AFF1: variants seen among roughly 807,000 people sequenced by gnomAD.
The protein encoded by AFF1 is ALF transcription elongation factor 1.
A neutral mutation model predicts 121.7 loss-of-function variants in AFF1; 48 were observed. The ratio of observed to expected loss-of-function variants is 0.39; its 90% CI spans 0.31 to 0.50. AFF1 has a LOEUF of 0.50. Ranked by LOEUF, AFF1 falls within the 20% of genes least tolerant of loss-of-function variation. The probability of loss-of-function intolerance (pLI) is 0.76; values close to 1 mark genes in which losing one functional copy is unlikely to be tolerated. For missense variants in AFF1, 1,523 were observed against 1,511.7 expected, an observed-to-expected ratio of 1.01 and a Z score of -0.12; for synonymous variants, 613 against 563.0, an observed-to-expected ratio of 1.09 and a Z score of -1.26.
chr4:87,138,776 T>C lies in AFF1; in HGVS notation c.*3075T>C, dbSNP rs992162349. 1.3e-5 allele frequency: 3 copies of C among 230,320 alleles called. No individual in the cohort carries two copies. Among genetic ancestry groups the C allele is most frequent in the African/African-American group, 6.6e-5 (3 of 45,202 alleles). 14.3% of individuals were successfully genotyped at this position (230,320 alleles called of 1,614,324 possible). On this transcript the variant is annotated 3_prime_UTR_variant, in exon 21 of 21. Transcript: ENST00000395146. Reference sequence around the variant, plus strand: ...AGGAGAATTTGACTGTCTGATATTATGATTTGATTACAATACTGAATGGGA... The same window carrying C: ...AGGAGAATTTGACTGTCTGATATTACGATTTGATTACAATACTGAATGGGA...
chr4:87,022,588 C>G lies in AFF1; in HGVS notation c.39-23578C>G, dbSNP rs61590827. On this transcript the variant is annotated intron_variant, in intron 2 of 20. Transcript: ENST00000395146. ...TATATATATATATATATATATCTATCTATATCTATCTGTGTGTATATATAT... is the reference window on the plus strand; with the variant it reads ...TATATATATATATATATATATCTATGTATATCTATCTGTGTGTATATATAT... Among the ~76,000 whole-genome samples the G allele has an allele frequency of 1.0e-4, 11 of 108,290 alleles. No homozygotes were observed. In the South Asian group the frequency reaches 1.2e-3, roughly 12 times the overall value. The allele number at this position is 108,290 out of a possible 152,430, so 71.0% of individuals were successfully genotyped here.
In AFF1 at chr4:87,081,152, A is replaced by ATTTTTTTTTT. The variant is rs549510832; in HGVS notation, c.1060-2950_1060-2941dup. Reference sequence around the variant, plus strand: ...TTGTAGTTTTTCTCTAATGAAATGAATTTTTTTTTTTTTTTTTTTTTTTTT... The same window carrying ATTTTTTTTTT: ...TTGTAGTTTTTCTCTAATGAAATGAATTTTTTTTTTTTTTTTTTTTTTTTTTTTTTTTTTT... On this transcript the variant is annotated intron_variant, in intron 4 of 20. Transcript: ENST00000395146. Among the ~76,000 whole-genome samples, 66 of 89,718 alleles carry ATTTTTTTTTT rather than the reference A, an allele frequency of 7.4e-4. 7 individuals carry two copies. The highest frequency in any genetic ancestry group is 2.6e-3 in the African/African-American group (60 of 22,706). 58.9% of individuals were successfully genotyped at this position (89,718 alleles called of 152,430 possible).
At position 87,115,260 on chromosome 4, in the gene AFF1, G is replaced by A. The variant is rs1229607558; in HGVS notation, c.2427G>A (p.Arg809=). The A allele has an allele frequency of 6.2e-7, 1 of 1,612,802 alleles. No homozygotes were observed. Among genetic ancestry groups the A allele is most frequent in the Non-Finnish European group, 8.5e-7 (1 of 1,179,338 alleles). ...PAGKKHSSEK[R]SSDSSSKLAK... ...GGAAGAAGCACAGCTCTGAGAAGAG[G>A]AGCTCAGACAGCTCAAGCAAGTTGG... The change falls in exon 12 of 21, where the codon AGG becomes AGA. Residue 809 remains arginine (R), a synonymous_variant. Transcript: ENST00000395146.
At chr4:87,002,485 G>A (rs982540344) in intron 2 of AFF1, among the ~76,000 whole-genome samples, 9 of 135,792 alleles carry the variant, frequency 6.6e-5, no homozygotes, top group Non-Finnish European at 1.1e-4. Flanking sequence ...AGGCTGGAGT[G>A]CAGTGGTGCG....
chr4:87,014,406 G>GT (rs1560540184), intron 2 of AFF1, among the ~76,000 whole-genome samples: 3 of 152,154 alleles, frequency 2.0e-5, no homozygotes, highest in Non-Finnish European at 4.4e-5. Flanking sequence ...TGAAAGTTTT[G>GT]TTTTTTAAGA....
intron 12 of AFF1, among the ~76,000 whole-genome samples, chr4:87,119,439 C>T (rs888974286): frequency 3.3e-5 from 5 of 151,908 alleles, no homozygotes; most frequent in Non-Finnish European, 7.4e-5. Context: ...GGCACAGTAG[C>T]GCATGCCTGA....
rs1390846975 is a variant in AFF1, at chr4:87,137,058, C to T, written c.*1357C>T. 1 of 224,456 alleles carries T rather than the reference C, an allele frequency of 4.5e-6. No individual in the cohort carries two copies. 13.9% of individuals were successfully genotyped at this position (224,456 alleles called of 1,614,324 possible). ...AATGAAGTAACACAATCAGAAATCC[C>T]ATGTGCCCATAAGCACAGATTTTTC... On this transcript the variant is annotated 3_prime_UTR_variant, in exon 21 of 21. Coordinates refer to ENST00000395146, the MANE Select transcript of AFF1 (RefSeq NM_001166693.3).
chr4:87,036,895 G>A (rs537250919), intron 2 of AFF1: 173 of 429,804 alleles, frequency 4.0e-4, no homozygotes, highest in African/African-American at 3.5e-3. Context: ...TGCAGGGTGT[G>A]ACCTGGGCTC....
At chr4:87,122,171 A>G (rs1706168277) in intron 12 of AFF1, among the ~76,000 whole-genome samples, 2 of 152,238 alleles carry the variant, frequency 1.3e-5, no homozygotes, top group African/African-American at 2.4e-5. Context: ...CTTTTCAAAG[A>G]CAAAGTTTCT....
chr4:87,019,889 G>GGGT (rs1553918038), intron 2 of AFF1, among the ~76,000 whole-genome samples: 2 of 132,850 alleles, frequency 1.5e-5, no homozygotes, highest in African/African-American at 2.8e-5. Context: ...GGGGTCGGGG[G>GGGT]GGGGCAGTCT....
chr4:87,070,511 C>A (rs1330273944), intron 4 of AFF1, among the ~76,000 whole-genome samples: 3 of 152,224 alleles, frequency 2.0e-5, no homozygotes, highest in Admixed American at 6.5e-5. Context: ...TAAAAATCTT[C>A]CTGAAGTAAA....
intron 2 of AFF1, among the ~76,000 whole-genome samples, chr4:86,985,520 A>G (rs1724180402): frequency 6.6e-6 from 1 of 150,950 alleles, no homozygotes; most frequent in Admixed American, 6.6e-5. Context: ...AAAAAAAAAA[A>G]AAAAATGTAG....
intron 2 of AFF1, among the ~76,000 whole-genome samples, chr4:87,033,126 G>C (rs1471964210): frequency 3.3e-5 from 5 of 152,236 alleles, no homozygotes. Context: ...CTGGGTGATA[G>C]TGAGACCCTG....
At chr4:87,113,621 C>G (rs1438262646) in intron 11 of AFF1, among the ~76,000 whole-genome samples, 1 of 152,072 alleles carries the variant, frequency 6.6e-6, no homozygotes, top group South Asian at 2.1e-4. Context: ...CTAATGTGAC[C>G]CAGCTGACTT....
chr4:87,016,751 C>CTT (rs1727342517), intron 2 of AFF1, among the ~76,000 whole-genome samples: 1 of 152,162 alleles, frequency 6.6e-6, no homozygotes, highest in African/African-American at 2.4e-5. Flanking sequence ...CCATAACCTA[C>CTT]TTTCTGTCTC....
intron 5 of AFF1, among the ~76,000 whole-genome samples, chr4:87,088,100 TAGTG>T (rs772077152): frequency 2.0e-5 from 3 of 152,250 alleles, no homozygotes; most frequent in Non-Finnish European, 2.9e-5. Flanking sequence ...GTTTACCTCT[TAGTG>T]AGCATTGAGG....
chr4:87,024,094 G>A (rs1728290914), intron 2 of AFF1, among the ~76,000 whole-genome samples: 1 of 152,276 alleles, frequency 6.6e-6, no homozygotes, highest in Middle Eastern at 3.4e-3. Flanking sequence ...CATTTAATCT[G>A]CAAGGCAGAG....
chr4:87,132,231 T>G, intron 18 of AFF1, 40 bp from the exon 19 acceptor site: 1 of 1,596,912 alleles, frequency 6.3e-7, no homozygotes, highest in Non-Finnish European at 8.5e-7. Context: ...TTCTGTAGTA[T>G]GATAGTCACG....
intron 2 of AFF1, among the ~76,000 whole-genome samples, chr4:86,968,253 T>G (rs1222113769): frequency 6.6e-6 from 1 of 152,210 alleles, no homozygotes; most frequent in Non-Finnish European, 1.5e-5. Flanking sequence ...TTTATCTTCC[T>G]TACAAGATTC....
Sources: allele counts gnomAD v4.1 joint callset (sites outside exome capture counted in the v4.1 genomes callset), GRCh38; gene constraint gnomAD v4.1.1; transcripts MANE v1.5; gene names NCBI Gene and HGNC (gene_info 2026-07-23, HGNC 2026-07-21).